CEMIP: variants seen among roughly 807,000 people sequenced by gnomAD.
CEMIP encodes the protein cell migration inducing hyaluronidase 1.
CEMIP carries 105 observed loss-of-function variants against 156.9 expected under a neutral mutation model. That is an observed-to-expected ratio of 0.67 (90% CI 0.57 to 0.79). CEMIP has a LOEUF of 0.79. Ranked by LOEUF, CEMIP falls within the 30% of genes least tolerant of loss-of-function variation. The pLI is 0.00. For missense variants in CEMIP, 1,457 were observed against 1,769.4 expected (o/e 0.82, Z 3.17); for synonymous variants, 676 against 668.4 (o/e 1.01, Z -0.17).
chr15:80,850,338 G>T (rs187237429), intron 1 of CEMIP, among the ~76,000 whole-genome samples: 123 of 152,198 alleles, frequency 8.1e-4, no homozygotes, highest in Admixed American at 2.9e-3. Context: ...GTGCAGTAGC[G>T]CAATCTCAGT....
chr15:80,867,077 T>C (rs1898148522), intron 1 of CEMIP, among the ~76,000 whole-genome samples: 1 of 152,178 alleles, frequency 6.6e-6, no homozygotes, highest in Non-Finnish European at 1.5e-5. Context: ...GGCCTCGGTT[T>C]GCAAATCTGT....
chr15:80,781,606 T>G (rs1345338396), intron 1 of CEMIP, among the ~76,000 whole-genome samples: 4 of 152,210 alleles, frequency 2.6e-5, no homozygotes, highest in Non-Finnish European at 5.9e-5. Context: ...TCTGCTTTTT[T>G]TGTGTGTGAC....
At chr15:80,833,986 A>G (rs1897214274) in intron 1 of CEMIP, among the ~76,000 whole-genome samples, 1 of 152,090 alleles carries the variant, frequency 6.6e-6, no homozygotes, top group African/African-American at 2.4e-5. Flanking sequence ...AGCATTATTG[A>G]TAATTGGGGC....
chr15:80,829,883 TGCAAATCTCTTCTC>T (rs1367611923), intron 1 of CEMIP, among the ~76,000 whole-genome samples: 4 of 152,158 alleles, frequency 2.6e-5, no homozygotes, highest in African/African-American at 4.8e-5. Flanking sequence ...AATCTTACTG[TGCAAATCTCTTCTC>T]ACAAATCTCC....
chr15:80,869,396 G>C (rs1466566617), intron 1 of CEMIP, among the ~76,000 whole-genome samples: 2 of 152,204 alleles, frequency 1.3e-5, no homozygotes, highest in Non-Finnish European at 2.9e-5. Flanking sequence ...GAATTCACAA[G>C]GGTGTGGTTG....
At chr15:80,795,264 T>C (rs932015078) in intron 1 of CEMIP, among the ~76,000 whole-genome samples, 4 of 151,990 alleles carry the variant, frequency 2.6e-5, no homozygotes, top group African/African-American at 9.7e-5. Context: ...TTTAAAGGGA[T>C]CCCTCTGGCT....
At chr15:80,874,016 AGGCAC>A in intron 3 of CEMIP, 43 bp downstream of exon 3, 2 of 1,516,394 alleles carry the variant, frequency 1.3e-6, no homozygotes, top group Non-Finnish European at 1.8e-6. Flanking sequence ...TCAGCATGGA[AGGCAC>A]GGCCCCTCAC....
chr15:80,925,291 G>A (rs1226679183), intron 18 of CEMIP, among the ~76,000 whole-genome samples: 2 of 152,154 alleles, frequency 1.3e-5, no homozygotes, highest in African/African-American at 4.8e-5. Flanking sequence ...GGAAGAGCTG[G>A]GTATCTCCAG....
At chr15:80,827,792 G>T (rs187566816) in intron 1 of CEMIP, among the ~76,000 whole-genome samples, 97 of 152,270 alleles carry the variant, frequency 6.4e-4, no homozygotes, top group South Asian at 2.1e-3. Flanking sequence ...AGACTAGAGT[G>T]AAAAATCTCC....
rs1443966393 is a variant in CEMIP, at chr15:80,859,086, T to G, written c.-175-14452T>G. Among the ~76,000 whole-genome samples, 5 of 152,356 alleles carry G rather than the reference T, an allele frequency of 3.3e-5. No individual in the cohort carries two copies. The East Asian group carries it at 9.7e-4, about 29-fold the overall frequency. ...CAGTAGTTCCAGCCAATGTCCCTTTTTTTTGACTTGGGTCAACTGAACATC... is the reference window on the plus strand; with the variant it reads ...CAGTAGTTCCAGCCAATGTCCCTTTGTTTTGACTTGGGTCAACTGAACATC... On this transcript the variant is annotated intron_variant, in intron 1 of 29. Coordinates refer to ENST00000394685, the MANE Select transcript of CEMIP (RefSeq NM_001293298.2).
At chr15:80,940,839 C>T (rs558561898) in intron 25 of CEMIP, among the ~76,000 whole-genome samples, 12 of 152,298 alleles carry the variant, frequency 7.9e-5, no homozygotes, top group South Asian at 4.2e-4. Flanking sequence ...CACACACATA[C>T]GCACACACGC....
intron 1 of CEMIP, among the ~76,000 whole-genome samples, chr15:80,799,710 A>T (rs1272796950): frequency 6.6e-6 from 1 of 152,246 alleles, no homozygotes; most frequent in African/African-American, 2.4e-5. Context: ...GAAAATGTAT[A>T]TATATGCAAT....
At chr15:80,922,767 C>T (rs369340412) in intron 17 of CEMIP, among the ~76,000 whole-genome samples, 132 of 152,256 alleles carry the variant, frequency 8.7e-4, no homozygotes, top group African/African-American at 2.7e-3. Flanking sequence ...CCAAGATGAC[C>T]GGGATCTCGA....
chr15:80,931,749 C>T, intron 21 of CEMIP, 110 bp from the exon 22 acceptor site: 2 of 1,065,078 alleles, frequency 1.9e-6, no homozygotes. Flanking sequence ...GTCTCTGCTA[C>T]CATCCACCTC....
intron 13 of CEMIP, 58 bp from the exon 14 acceptor site, chr15:80,909,039 C>T (rs772317083): frequency 9.2e-6 from 14 of 1,529,408 alleles, no homozygotes; most frequent in Non-Finnish European, 1.2e-5. Context: ...TGGGCACCAG[C>T]CAGGGAAATC....
intron 1 of CEMIP, among the ~76,000 whole-genome samples, chr15:80,806,582 T>C (rs1302280157): frequency 2.0e-5 from 3 of 152,196 alleles, no homozygotes. Flanking sequence ...CTGTTTTACA[T>C]ACCTAGCAGA....
intron 1 of CEMIP, among the ~76,000 whole-genome samples, chr15:80,817,431 CA>C (rs1896810157): frequency 6.6e-6 from 1 of 151,748 alleles, no homozygotes; most frequent in Non-Finnish European, 1.5e-5. Context: ...CCCATCTCTA[CA>C]AAAACAACAA....
Position 80,937,940 on chromosome 15 carries a change from A to G in CEMIP, c.3368A>G (p.Tyr1123Cys), listed in dbSNP as rs770619175. 3.7e-6 allele frequency: 6 copies of G among 1,614,098 alleles called. No homozygotes were observed. The highest frequency in any genetic ancestry group is 5.1e-6 in the Non-Finnish European group (6 of 1,180,006). Residue 1123 changes from tyrosine to cysteine, a missense_variant, in exon 25 of 30, where the codon TAC (tyrosine) becomes TGC (cysteine). By Grantham distance (194) the Tyr-to-Cys change is radical (BLOSUM62 -2). This residue lies in a region of CEMIP where 798 missense variants were observed against 980.1 expected (regional missense o/e 0.81). Coordinates refer to ENST00000394685, the MANE Select transcript of CEMIP (RefSeq NM_001293298.2). Reference protein sequence around the residue: ...TLQMDKVEQSYPGRSHYYWDE... With the variant: ...TLQMDKVEQSCPGRSHYYWDE... The stretch of plus-strand genomic sequence containing the variant: ...CAGATGGACAAAGTGGAGCAGAGCT[A>G]CCCTGGCAGGAGCCACTACTACTGG...
In CEMIP at chr15:80,900,585, G is replaced by GGTGTGTGTGTGTGTGTGTGTGTGTGTGT. The variant is rs57724852; in HGVS notation, c.1411+4562_1411+4589dup. Among the ~76,000 whole-genome samples the GGTGTGTGTGTGTGTGTGTGTGTGTGTGT allele has an allele frequency of 1.5e-4, 11 of 74,966 alleles. 1 individual carries two copies. Among genetic ancestry groups the GGTGTGTGTGTGTGTGTGTGTGTGTGTGT allele is most frequent in the African/African-American group, 2.9e-4 (5 of 17,472 alleles). The allele number at this position is 74,966 out of a possible 152,430, so 49.2% of individuals were successfully genotyped here. A position where few individuals can be genotyped will look rare whatever the true frequency, so the allele number is the denominator to read the frequency against. On this transcript the variant is annotated intron_variant, in intron 12 of 29. Coordinates refer to ENST00000394685, the MANE Select transcript of CEMIP (RefSeq NM_001293298.2). ...CAGCACCAGAAAAGCCCCAGGTAGG[G>GGTGTGTGTGTGTGTGTGTGTGTGTGTGT]GTGTGTGTGTGTGTGTGTGTGTGTG... is the stretch of plus-strand genomic sequence containing the variant.
Sources: allele counts gnomAD v4.1 joint callset (sites outside exome capture counted in the v4.1 genomes callset), GRCh38; gene constraint gnomAD v4.1.1; regional missense constraint gnomAD v4.1.1; transcripts MANE v1.5; gene names NCBI Gene and HGNC (gene_info 2026-07-23, HGNC 2026-07-21).